The following RDX variants were observed in gnomAD, a reference collection of about 807,000 sequenced individuals.
RDX encodes the protein deafness, autosomal recessive 24.
Under a neutral mutation model 83.7 loss-of-function variants are expected in RDX, and 32 were observed. The observed-to-expected ratio is 0.38, with a 90% CI of 0.29 to 0.51. The LOEUF (loss-of-function observed/expected upper bound fraction) is 0.51. RDX is among the 20% of genes least tolerant of loss of function. The probability of loss-of-function intolerance (pLI) is 0.87; values close to 1 mark genes in which losing one functional copy is unlikely to be tolerated. For synonymous variants in RDX, 229 were observed against 222.7 expected (o/e 1.03, Z -0.25); for missense variants, 600 against 689.9 (o/e 0.87, Z 1.46).
At chr11:110,216,245 C>G (rs1864046697) in intron 14 of RDX, among the ~76,000 whole-genome samples, 1 of 152,134 alleles carries the variant, frequency 6.6e-6, no homozygotes, top group Non-Finnish European at 1.5e-5. Flanking sequence ...AAGTGAAGCT[C>G]TTTCTTGCCT....
chr11:110,194,028 A>G (rs1452246249), intron 15 of RDX, among the ~76,000 whole-genome samples: 1 of 152,258 alleles, frequency 6.6e-6, no homozygotes, highest in Non-Finnish European at 1.5e-5. Context: ...TTAGCTGTTG[A>G]AGGCAGCGGC....
At chr11:110,219,540 AACACTGAT>A (rs1864174245) in intron 14 of RDX, among the ~76,000 whole-genome samples, 3 of 152,228 alleles carry the variant, frequency 2.0e-5, no homozygotes, top group Non-Finnish European at 2.9e-5. Context: ...CTGTGGGTGG[AACACTGAT>A]GGCTGTGGAG....
At chr11:110,244,633 A>G (rs145085854) in intron 10 of RDX, among the ~76,000 whole-genome samples, 266 of 152,278 alleles carry the variant, frequency 1.7e-3, no homozygotes, top group African/African-American at 6.2e-3. Context: ...ATGTTCTAAA[A>G]TTTATTATGA....
chr11:110,196,752 A>T (rs572034241), intron 15 of RDX, among the ~76,000 whole-genome samples: 2 of 152,328 alleles, frequency 1.3e-5, no homozygotes, highest in South Asian at 4.1e-4. Context: ...CCTCAGAGAA[A>T]GGTCTGAAGG....
intron 1 of RDX, among the ~76,000 whole-genome samples, chr11:110,293,663 T>C (rs922022246): frequency 3.3e-5 from 5 of 152,202 alleles, no homozygotes; most frequent in African/African-American, 7.2e-5. Flanking sequence ...CTGAATCTTG[T>C]ACCCCAGGGG....
At chr11:110,187,793 G>A (rs781141884) in intron 15 of RDX, among the ~76,000 whole-genome samples, 1 of 152,226 alleles carries the variant, frequency 6.6e-6, no homozygotes, top group African/African-American at 2.4e-5. Flanking sequence ...CAGGGAGTTC[G>A]GACCATGGTG....
chr11:110,233,568 G>T, intron 12 of RDX, 89 bp from the exon 13 acceptor site: 1 of 1,358,438 alleles, frequency 7.4e-7, no homozygotes, highest in Non-Finnish European at 1.0e-6. Flanking sequence ...AATAGAAACT[G>T]TATTTCAAGG....
chr11:110,194,280 C>T (rs1221877356), intron 15 of RDX, among the ~76,000 whole-genome samples: 4 of 152,186 alleles, frequency 2.6e-5, no homozygotes, highest in South Asian at 2.1e-4. Flanking sequence ...AGTGCAGTGG[C>T]GCAATCCTGA....
chr11:110,246,648 G>A lies in RDX; in HGVS notation c.1090+1055C>T, dbSNP rs113909593. Reference sequence around the variant, plus strand: ...AAATTAGCTGGGCCTGGTGGAGTACGCCTGTAATCCCAGCTACTTGGGAGG... The same window carrying A: ...AAATTAGCTGGGCCTGGTGGAGTACACCTGTAATCCCAGCTACTTGGGAGG... On this transcript the variant is annotated intron_variant, in intron 10 of 13. Transcript: ENST00000645495. 9.5e-4 allele frequency among the ~76,000 whole-genome samples: 144 copies of A among 151,476 alleles called. 1 individual carries two copies. Among genetic ancestry groups the A allele is most frequent in the African/African-American group, 3.1e-3 (130 of 41,276 alleles).
chr11:110,202,232 T>C (rs1259139467), intron 14 of RDX, among the ~76,000 whole-genome samples: 1 of 151,778 alleles, frequency 6.6e-6, no homozygotes, highest in Non-Finnish European at 1.5e-5. Flanking sequence ...CCATCTCTAC[T>C]AAAAATACAA....
At chr11:110,291,316 G>C (rs1204379246) in intron 1 of RDX, among the ~76,000 whole-genome samples, 1 of 152,102 alleles carries the variant, frequency 6.6e-6, no homozygotes, top group Admixed American at 6.6e-5. Context: ...CAGCAGCAGA[G>C]AGGTGACAGT....
At chr11:110,265,328 G>T (rs58487127) in intron 3 of RDX, among the ~76,000 whole-genome samples, 5,872 of 151,798 alleles carry the variant, frequency 0.039, 381 homozygotes, top group African/African-American at 0.13. Flanking sequence ...CTGACCTCAG[G>T]TGATCTGCCT....
chr11:110,262,314 G>A (rs370454676), intron 5 of RDX, among the ~76,000 whole-genome samples: 34 of 152,302 alleles, frequency 2.2e-4, no homozygotes, highest in African/African-American at 8.2e-4. Flanking sequence ...GCTGAGCATG[G>A]TGACTCACGC....
chr11:110,263,814 G>A (rs1859900283), intron 5 of RDX, 146 bp downstream of exon 5: 2 of 680,812 alleles, frequency 2.9e-6, no homozygotes, highest in East Asian at 2.8e-5. Context: ...GTTGCAGTGG[G>A]CTGAGATCAC....
chr11:110,195,372 T>C (rs974229731), intron 15 of RDX, among the ~76,000 whole-genome samples: 3 of 152,204 alleles, frequency 2.0e-5, no homozygotes, highest in African/African-American at 7.2e-5. Flanking sequence ...TAGTGCCATC[T>C]TATGAATTAA....
intron 1 of RDX, 82 bp from the exon 2 acceptor site, chr11:110,279,838 T>C: frequency 1.7e-6 from 1 of 584,012 alleles, no homozygotes; most frequent in Non-Finnish European, 3.0e-6. Flanking sequence ...AGATATAAAT[T>C]AAAATATTTG....
intron 15 of RDX, among the ~76,000 whole-genome samples, chr11:110,189,244 A>T (rs200056876): frequency 0.017 from 400 of 23,936 alleles, 10 homozygotes; most frequent in African/African-American, 0.05. Context: ...AACAACAGGT[A>T]AAAAAAAAAA....
chr11:110,279,294 C>T (rs1860655693), intron 2 of RDX, among the ~76,000 whole-genome samples: 1 of 152,158 alleles, frequency 6.6e-6, no homozygotes, highest in Admixed American at 6.5e-5. Flanking sequence ...ACAGTTTGAC[C>T]TTAGAACTCA....
intron 2 of RDX, among the ~76,000 whole-genome samples, chr11:110,273,984 T>G (rs1860404707): frequency 6.6e-6 from 1 of 151,748 alleles, no homozygotes; most frequent in South Asian, 2.1e-4. Context: ...TTATCTAACT[T>G]TAACTCACAC....
Sources: allele counts gnomAD v4.1 joint callset (sites outside exome capture counted in the v4.1 genomes callset), GRCh38; gene constraint gnomAD v4.1.1; transcripts MANE v1.5; gene names NCBI Gene and HGNC (gene_info 2026-07-23, HGNC 2026-07-21).